Variants in UBR4 observed in about 807,000 individuals in gnomAD.
UBR4 encodes E3 ubiquitin-protein ligase UBR4.
A neutral mutation model predicts 575.6 loss-of-function variants in UBR4; 124 were observed. That is an observed-to-expected ratio of 0.22 (90% CI 0.19 to 0.25). The LOEUF is 0.25. Among genes scored for constraint, UBR4 ranks in the 10% least tolerant of loss-of-function variants. The probability of loss-of-function intolerance (pLI) is 1.00; values close to 1 mark genes in which losing one functional copy is unlikely to be tolerated. For missense variants in UBR4, 4,818 were observed against 6,478.8 expected (o/e 0.74, Z 8.80); for synonymous variants, 2,455 against 2,473.7 (o/e 0.99, Z 0.22).
chr1:19,159,436 G>C (rs548491395), intron 39 of UBR4, among the ~76,000 whole-genome samples: 14 of 152,158 alleles, frequency 9.2e-5, no homozygotes, highest in Non-Finnish European at 1.9e-4. Context: ...GAACTTTAGA[G>C]AAGATACAAT....
chr1:19,104,835 G>A (rs183207716), intron 85 of UBR4, 169 bp from the exon 86 acceptor site: 1 of 1,072,874 alleles, frequency 9.3e-7, no homozygotes, highest in Admixed American at 2.4e-5. Flanking sequence ...CGCTGGTAAG[G>A]GATTGCTTAA....
chr1:19,081,769 C>T (rs2076537334), intron 102 of UBR4, 196 bp from the exon 103 acceptor site: 1 of 727,628 alleles, frequency 1.4e-6, no homozygotes, highest in African/African-American at 1.8e-5. Flanking sequence ...CCTTCCAGGC[C>T]CTTCTTCGCG....
At position 19,095,872 on chromosome 1, in the gene UBR4, T is replaced by C. The variant is rs1436491978; in HGVS notation, c.13519-220A>G. 2.1e-5 allele frequency: 10 copies of C among 481,868 alleles called. No individual in the cohort carries two copies. In the Admixed American group the frequency reaches 3.2e-4, roughly 15 times the overall value. 29.8% of individuals were successfully genotyped at this position (481,868 alleles called of 1,614,324 possible). On this transcript the variant is annotated intron_variant, in intron 92 of 105. Transcript: ENST00000375254. Reference sequence around the variant, plus strand: ...CCAATGGCGGGATATATCTCTACCATCTCTAATACAACGGCAATGACAGCA... The same window carrying C: ...CCAATGGCGGGATATATCTCTACCACCTCTAATACAACGGCAATGACAGCA...
intron 99 of UBR4, 132 bp downstream of exon 99, chr1:19,087,684 T>C (rs778449907): frequency 1.1e-5 from 7 of 651,964 alleles, no homozygotes; most frequent in Non-Finnish European, 1.8e-5. Context: ...GCTGGTCCTT[T>C]TGTTAATCTC....
At chr1:19,104,412 C>A (rs1380366378) in intron 86 of UBR4, among the ~76,000 whole-genome samples, 155 bp from the exon 87 acceptor site, 1 of 152,144 alleles carries the variant, frequency 6.6e-6, no homozygotes, top group African/African-American at 2.4e-5. Context: ...CAGTCAATAG[C>A]AAACAGGGTC....
chr1:19,126,675 CAG>C lies in UBR4; in HGVS notation c.9229-22_9229-21del, dbSNP rs2081831677. 2 of 1,610,572 alleles carry C rather than the reference CAG, an allele frequency of 1.2e-6. No homozygotes were observed. Among genetic ancestry groups the C allele is most frequent in the Middle Eastern group, 2.0e-4 (1 of 4,950 alleles). Reference sequence around the variant, plus strand: ...AGATGACTGGGAGACAGAGAAAATACAGAGATGGGAAGAATGGCTTGTAAAAA... The same window carrying C: ...AGATGACTGGGAGACAGAGAAAATACAGATGGGAAGAATGGCTTGTAAAAA... On this transcript the variant is annotated intron_variant, in intron 63 of 105. Coordinates refer to ENST00000375254, the MANE Select transcript of UBR4 (RefSeq NM_020765.3).
At chr1:19,191,247 A>G (rs2092053167) in intron 11 of UBR4, among the ~76,000 whole-genome samples, 1 of 152,198 alleles carries the variant, frequency 6.6e-6, no homozygotes, top group East Asian at 1.9e-4. Context: ...AGGTGGGCAG[A>G]TCATTTGAGG....
At position 19,094,164 on chromosome 1, in the gene UBR4, T is replaced by C. The variant is rs1198575477; in HGVS notation, c.13747-25A>G. 8 of 1,588,962 alleles carry C rather than the reference T, an allele frequency of 5.0e-6. No homozygotes were observed. In the Admixed American group the frequency reaches 5.2e-5, roughly 10 times the overall value. On this transcript the variant is annotated intron_variant, in intron 94 of 105. Coordinates refer to ENST00000375254, the MANE Select transcript of UBR4 (RefSeq NM_020765.3). ...CCTGCAACAGAAAAGAGGGTGAACATGCCATTAATGCAGTCAGGACTGTGG... is the reference window on the plus strand; with the variant it reads ...CCTGCAACAGAAAAGAGGGTGAACACGCCATTAATGCAGTCAGGACTGTGG...
At chr1:19,128,373 G>A (rs1328763852) in intron 61 of UBR4, 55 bp from the exon 62 acceptor site, 2 of 1,443,014 alleles carry the variant, frequency 1.4e-6, no homozygotes, top group African/African-American at 2.8e-5. Context: ...AGAACGACTT[G>A]AAATACGGGG....
In UBR4 at chr1:19,177,195, A is replaced by T. The variant is rs2090359030; in HGVS notation, c.2637+266T>A. Among the ~76,000 whole-genome samples, 2 of 152,244 alleles carry T rather than the reference A, an allele frequency of 1.3e-5. 1 individual carries two copies. Among genetic ancestry groups the T allele is most frequent in the South Asian group, 4.1e-4 (2 of 4,834 alleles). ...TCAGGGCACTGCATCAGACACAGGT[A>T]GAGCAGGGCAATTCGTGGGAGAATG... On this transcript the variant is annotated intron_variant, in intron 19 of 105. Coordinates refer to ENST00000375254, the MANE Select transcript of UBR4 (RefSeq NM_020765.3).
chr1:19,112,919 G>C (rs868657598), intron 77 of UBR4, 52 bp from the exon 78 acceptor site: 1 of 1,491,748 alleles, frequency 6.7e-7, no homozygotes, highest in African/African-American at 1.4e-5. Flanking sequence ...AATAAGAAGA[G>C]GATGTTAATT....
chr1:19,161,255 G>A (rs901425817), intron 37 of UBR4, 108 bp from the exon 38 acceptor site: 59 of 1,030,672 alleles, frequency 5.7e-5, no homozygotes, highest in South Asian at 1.2e-4. Context: ...CTGGCTAAGC[G>A]TTTCAATGTT....
At chr1:19,131,870 T>C (rs1415552815) in intron 60 of UBR4, among the ~76,000 whole-genome samples, 3 of 152,076 alleles carry the variant, frequency 2.0e-5, no homozygotes, top group African/African-American at 4.8e-5. Flanking sequence ...TGAAACTACG[T>C]CTGAAAAAAC....
chr1:19,143,459 A>G (rs1395378830), intron 55 of UBR4, among the ~76,000 whole-genome samples: 2 of 152,074 alleles, frequency 1.3e-5, no homozygotes, highest in Non-Finnish European at 2.9e-5. Flanking sequence ...CCTTGACTGT[A>G]TTGTGTATTG....
chr1:19,169,117 G>A (rs553795631), intron 27 of UBR4, among the ~76,000 whole-genome samples: 6 of 152,276 alleles, frequency 3.9e-5, no homozygotes, highest in South Asian at 2.1e-4. Context: ...TTGGGAATTC[G>A]TGTGCCAGGT....
At chr1:19,119,817 G>C in intron 69 of UBR4, 116 bp from the exon 70 acceptor site, 1 of 1,366,424 alleles carries the variant, frequency 7.3e-7, no homozygotes, top group East Asian at 2.3e-5. Context: ...AGTTTGAACG[G>C]TTTTGTTTCA....
At position 19,088,223 on chromosome 1, in the gene UBR4, A is replaced by G. The variant is rs2077198835; in HGVS notation, c.14431-294T>C. Among the ~76,000 whole-genome samples the G allele has an allele frequency of 6.6e-6, 1 of 152,224 alleles. No homozygotes were observed. The highest frequency in any genetic ancestry group is 1.9e-4 in the East Asian group (1 of 5,196). ...TCATGCCAGCATCTTCGTGCCAGCA[A>G]TGCCAAGTCTCAGCTTCCAAGGGTT... On this transcript the variant is annotated intron_variant, in intron 98 of 105. Coordinates refer to ENST00000375254, the MANE Select transcript of UBR4 (RefSeq NM_020765.3). The surrounding 1 kb of genome is among the most constrained non-coding windows in gnomAD (Gnocchi z 4.0).
intron 65 of UBR4, among the ~76,000 whole-genome samples, chr1:19,123,462 A>AC (rs1468624461): frequency 2.0e-5 from 3 of 151,578 alleles, no homozygotes; most frequent in East Asian, 1.9e-4. Context: ...AAAAAAAAAA[A>AC]AAAAAACAAA....
Position 19,181,190 on chromosome 1 carries a change from G to A in UBR4, c.2185-1970C>T, listed in dbSNP as rs577049076. On this transcript the variant is annotated intron_variant, in intron 17 of 105. Transcript: ENST00000375254. ...GGCCAGGAGTTCGAGCAGCCTGGGCGACATAGCGAGACCCCATCAGGAAGA... is the reference window on the plus strand; with the variant it reads ...GGCCAGGAGTTCGAGCAGCCTGGGCAACATAGCGAGACCCCATCAGGAAGA... 9.2e-5 allele frequency among the ~76,000 whole-genome samples: 14 copies of A among 152,082 alleles called. No homozygotes were observed. The South Asian group carries it at 1.2e-3, about 14-fold the overall frequency.
Sources: gnomAD v4.1 joint callset for allele counts (sites outside exome capture counted in the v4.1 genomes callset) on GRCh38, gnomAD v4.1.1 for gene constraint, Gnocchi (gnomAD v3.1) non-coding constraint, MANE v1.5 for transcripts, NCBI Gene and HGNC (gene_info 2026-07-23, HGNC 2026-07-21) for gene names.